TTN: variants seen among roughly 807,000 people sequenced by gnomAD.
TTN encodes the protein titin.
Under a neutral mutation model 3,223.0 loss-of-function variants are expected in TTN, and 1,525 were observed. The ratio of observed to expected loss-of-function variants is 0.47; its 90% CI spans 0.45 to 0.49. TTN has a LOEUF of 0.49. Ranked by LOEUF, TTN falls within the 20% of genes least tolerant of loss-of-function variation. TTN has a pLI of 0.00. For missense variants in TTN, 40,786 were observed against 43,424.0 expected (o/e 0.94, Z 5.40); for synonymous variants, 14,094 against 15,161.0 (o/e 0.93, Z 5.17).
Position 178,756,339 on chromosome 2 carries a change from T to G in TTN, c.11137A>C (p.Asn3713His), listed in dbSNP as rs2086928931. 6.2e-7 allele frequency: 1 copy of G among 1,613,760 alleles called. No homozygotes were observed. Among genetic ancestry groups the G allele is most frequent in the Non-Finnish European group, 8.5e-7 (1 of 1,179,816 alleles). Residue 3713 changes from asparagine to histidine, a missense_variant, in exon 46 of 363, where the codon AAT becomes CAT. Coordinates refer to ENST00000589042, the MANE Select transcript of TTN (RefSeq NM_001267550.2). ...SERLKQSQNG[N>H]IQFLTICNVQ... ...TTACATATGGTAAGAAACTGAATAT[T>G]TCCATTTTGTGATTGTTTCAGTCTC...
At chr2:178,678,277 AG>A (rs2154269006) in intron 144 of TTN, 69 bp from the exon 145 acceptor site, 1 of 1,538,430 alleles carries the variant, frequency 6.5e-7, no homozygotes, top group Non-Finnish European at 8.8e-7. Context: ...GATATGAAAA[AG>A]AATCACAAAA....
Position 178,566,772 on chromosome 2 carries a change from C to A in TTN, c.79360G>T (p.Asp26454Tyr). Reference sequence around the variant, plus strand: ...GAGACCCTGAATTCATACTCATGATCTTCTGTTAATCCTGTCACTCTTAGA... The same window carrying A: ...GAGACCCTGAATTCATACTCATGATATTCTGTTAATCCTGTCACTCTTAGA... ...LRLRVTGLTEDHEYEFRVSAE... is the reference protein window; with the variant it reads ...LRLRVTGLTEYHEYEFRVSAE... The change falls in exon 326 of 363, where the codon GAT becomes TAT. Residue 26454 changes from aspartate (D) to tyrosine (Y), a missense_variant. Transcript: ENST00000589042. 1 of 1,613,418 alleles carries A rather than the reference C, an allele frequency of 6.2e-7. No homozygotes were observed. The highest frequency in any genetic ancestry group is 1.1e-5 in the South Asian group (1 of 91,080).
Position 178,562,878 on chromosome 2 carries a change from T to A in TTN, c.83254A>T (p.Ser27752Cys). 1 of 1,613,268 alleles carries A rather than the reference T, an allele frequency of 6.2e-7. No homozygotes were observed. Among genetic ancestry groups the A allele is most frequent in the Non-Finnish European group, 8.5e-7 (1 of 1,179,600 alleles). The change falls in exon 326 of 363, where the codon AGT becomes TGT. Residue 27752 changes from serine to cysteine, a missense_variant. Coordinates refer to ENST00000589042, the MANE Select transcript of TTN (RefSeq NM_001267550.2). ...TTAACAAAAGCTGTTTTGGAGCCACTATTATTTTCTAATGTCAGATTATAC... is the reference window on the plus strand; with the variant it reads ...TTAACAAAAGCTGTTTTGGAGCCACAATTATTTTCTAATGTCAGATTATAC... Reference protein sequence around the residue: ...GRYNLTLENNSGSKTAFVNVR... With the variant: ...GRYNLTLENNCGSKTAFVNVR...
At chr2:178,600,546 G>GTC (rs2053101589) in intron 288 of TTN, 2 of 339,532 alleles carry the variant, frequency 5.9e-6, no homozygotes, top group Non-Finnish European at 1.1e-5. Flanking sequence ...GTTACTTTCT[G>GTC]TCCCTTTTGA....
intron 49 of TTN, chr2:178,737,794 A>G (rs1353722302): frequency 7.2e-6 from 2 of 278,562 alleles, no homozygotes; most frequent in African/African-American, 4.4e-5. Flanking sequence ...TAGTGGCACC[A>G]AACTGTCCTG....
chr2:178,527,219 C>G lies in TTN; in HGVS notation c.107769G>C (p.Glu35923Asp). ...VLTVACAFTG[E>D]PTPEVTWSCG... ...AGGACCATGTTACTTCTGGGGTAGG[C>G]TCACCCGTGAAAGCACAGGCTACTG... The change falls in exon 363 of 363, where the codon GAG (glutamate) becomes GAC (aspartate). Residue 35923 changes from glutamate (E) to aspartate (D), a missense_variant. Glu to Asp is a conservative substitution (Grantham distance 45). Coordinates refer to ENST00000589042, the MANE Select transcript of TTN (RefSeq NM_001267550.2). 6.2e-7 allele frequency: 1 copy of G among 1,613,876 alleles called. No individual in the cohort carries two copies.
chr2:178,723,193 T>C lies in TTN; in HGVS notation c.21814A>G (p.Thr7272Ala), dbSNP rs747710632. The C allele has an allele frequency of 2.5e-6, 4 of 1,613,460 alleles. No homozygotes were observed. Among genetic ancestry groups the C allele is most frequent in the Non-Finnish European group, 8.5e-7 (1 of 1,179,624 alleles). The change falls in exon 75 of 363, where the codon ACC (threonine) becomes GCC (alanine). Residue 7272 changes from threonine to alanine, a missense_variant. Physicochemically the swap from Thr to Ala is moderately conservative, Grantham distance 58. Coordinates refer to ENST00000589042, the MANE Select transcript of TTN (RefSeq NM_001267550.2). Reference protein sequence around the residue: ...TWKKDGFNITTSEKCNIVTTE... With the variant: ...TWKKDGFNITASEKCNIVTTE... ...GTGACTATGTTACATTTTTCAGAGG[T>C]AGTTATGTTAAAACCATCCTTTTTC...
intron 270 of TTN, 74 bp from the exon 271 acceptor site, chr2:178,610,463 G>C (rs569355941): frequency 1.9e-5 from 28 of 1,478,440 alleles, no homozygotes; most frequent in Non-Finnish European, 2.4e-5. Flanking sequence ...GTCTCTAAGT[G>C]GGGCTATCTG....
At chr2:178,764,096 TGGA>T in intron 43 of TTN, 78 bp downstream of exon 43, 4 of 1,594,542 alleles carry the variant, frequency 2.5e-6, no homozygotes, top group Non-Finnish European at 2.6e-6. Flanking sequence ...ATGTTTGTGA[TGGA>T]GGAGAAGCTG....
chr2:178,563,538 T>A lies in TTN; in HGVS notation c.82594A>T (p.Thr27532Ser), dbSNP rs776623157. 5 of 1,613,814 alleles carry A rather than the reference T, an allele frequency of 3.1e-6. No homozygotes were observed. Among genetic ancestry groups the A allele is most frequent in the Non-Finnish European group, 4.2e-6 (5 of 1,179,762 alleles). Residue 27532 changes from threonine to serine, a missense_variant, in exon 326 of 363, where the codon ACT (threonine) becomes TCT (serine). By Grantham distance (58) the Thr-to-Ser change is moderately conservative (BLOSUM62 1). Coordinates refer to ENST00000589042, the MANE Select transcript of TTN (RefSeq NM_001267550.2). The surrounding 1 kb of genome is among the most constrained non-coding windows in gnomAD (Gnocchi z 4.5). Reference protein sequence around the residue: ...KTLTDLRLRVTGLTEGHSYEF... With the variant: ...KTLTDLRLRVSGLTEGHSYEF... ...TAGGAATGGCCTTCGGTAAGACCAG[T>A]TACCCTGAGCCGCAGATCCGTTAAT...
intron 40 of TTN, 147 bp from the exon 41 acceptor site, chr2:178,766,759 ACTCT>A (rs2090512613): frequency 4.4e-6 from 3 of 676,572 alleles, no homozygotes; most frequent in Non-Finnish European, 7.7e-6. Context: ...TGATTATAGC[ACTCT>A]CTAATTTTTC....
Position 178,614,863 on chromosome 2 carries a change from C to T in TTN, c.48744G>A (p.Gln16248=). Residue 16248 remains glutamine, a synonymous_variant, in exon 260 of 363, where the codon CAG becomes CAA. Coordinates refer to ENST00000589042, the MANE Select transcript of TTN (RefSeq NM_001267550.2). ...SKPSRPTEEI[Q]AVDTQEAPEI... ...AATAGATACCTTGTGTGTCCACAGC[C>T]TGGATTTCCTCTGTGGGTCTGCTTG... The T allele has an allele frequency of 6.4e-7, 1 of 1,572,666 alleles. No homozygotes were observed.
intron 362 of TTN, 25 bp from the exon 363 acceptor site, chr2:178,527,332 A>AG (rs763348269): frequency 6.4e-7 from 1 of 1,569,758 alleles, no homozygotes; most frequent in Admixed American, 1.9e-5. Context: ...GACAAAAAAA[A>AG]GGTCTTAGAA....
At position 178,714,035 on chromosome 2, in the gene TTN, T is replaced by A; in HGVS notation, c.26623A>T (p.Lys8875Ter). 6.2e-7 allele frequency: 1 copy of A among 1,613,608 alleles called. No individual in the cohort carries two copies. Among genetic ancestry groups the A allele is most frequent in the East Asian group, 2.2e-5 (1 of 44,854 alleles). Residue 8875 changes from lysine (K) to a stop codon, truncating the protein, a stop_gained, in exon 92 of 363, where the codon AAA (lysine) becomes TAA (stop). Transcript: ENST00000589042. LOFTEE classifies it high-confidence loss of function. ...KDGKELTSDN[K>*]YKISFFNKVS... ...TTGTTGAAGAAGCTTATTTTGTATT[T>A]GTTGTCACTTGTTAGCTCTTTTCCA...
intron 6 of TTN, among the ~76,000 whole-genome samples, chr2:178,797,925 A>G (rs1219234648): frequency 6.6e-6 from 1 of 152,018 alleles, no homozygotes; most frequent in Non-Finnish European, 1.5e-5. Context: ...TATTCTGTAA[A>G]TAGTGAGAGG....
At position 178,635,717 on chromosome 2, in the gene TTN, T is replaced by C. The variant is rs730880244; in HGVS notation, c.41609-2A>G. The C allele has an allele frequency of 6.3e-7, 1 of 1,589,474 alleles. No individual in the cohort carries two copies. The highest frequency in any genetic ancestry group is 1.7e-4 in the Middle Eastern group (1 of 6,010). On this transcript the variant is annotated splice_acceptor_variant, in intron 226 of 362. Coordinates refer to ENST00000589042, the MANE Select transcript of TTN (RefSeq NM_001267550.2). LOFTEE classifies it high-confidence loss of function. ...TCACCAGCCAATCTCTAATGACTTC[T>C]ATATGAAAATAAGATCAGAAAAAAT...
rs766168838 is a variant in TTN, at chr2:178,570,868, T to G, written c.75264A>C (p.Gly25088=). The change falls in exon 326 of 363, where the codon GGA becomes GGC. Residue 25088 remains glycine, a synonymous_variant. Transcript: ENST00000589042. ...EFRVIARNAA[G]VFSEPSESTG... The stretch of plus-strand genomic sequence containing the variant: ...TGCTTTCTGAAGGCTCACTAAACAC[T>G]CCTGCGGCATTTCGGGCTATAACCC... 6.2e-7 allele frequency: 1 copy of G among 1,613,526 alleles called. No individual in the cohort carries two copies. The highest frequency in any genetic ancestry group is 1.1e-5 in the South Asian group (1 of 91,080).
chr2:178,615,361 C>T lies in TTN; in HGVS notation c.48584G>A (p.Cys16195Tyr). 2 of 1,612,488 alleles carry T rather than the reference C, an allele frequency of 1.2e-6. No individual in the cohort carries two copies. Among genetic ancestry groups the T allele is most frequent in the Non-Finnish European group, 1.7e-6 (2 of 1,179,028 alleles). The change falls in exon 259 of 363, where the codon TGT (cysteine) becomes TAT (tyrosine). Residue 16195 changes from cysteine (C) to tyrosine (Y), a missense_variant. Transcript: ENST00000589042. ...AACCCATTTATCAGAACCACGTGGA[C>T]ATCTTTCAACTATATATCCTTTGAT... ...SRIKGYIVER[C>Y]PRGSDKWVAC...
intron 350 of TTN, among the ~76,000 whole-genome samples, chr2:178,540,826 AAAG>A (rs1320651678): frequency 9.2e-5 from 14 of 152,120 alleles, no homozygotes; most frequent in Admixed American, 7.2e-4. Context: ...AAGAAAGAAA[AAAG>A]AAAATTTTAT....
Sources: gnomAD v4.1 joint callset for allele counts (sites outside exome capture counted in the v4.1 genomes callset) on GRCh38, gnomAD v4.1.1 for gene constraint, Gnocchi (gnomAD v3.1) non-coding constraint, MANE v1.5 for transcripts, NCBI Gene and HGNC (gene_info 2026-07-23, HGNC 2026-07-21) for gene names.